Variants in PCSK5 observed in about 807,000 individuals in gnomAD.
PCSK5 encodes the protein prohormone convertase 5.
PCSK5 carries 129 observed loss-of-function variants against 233.2 expected under a neutral mutation model. The observed-to-expected ratio is 0.55, with a 90% CI of 0.48 to 0.64. The LOEUF is 0.64. PCSK5 is among the 30% of genes least tolerant of loss of function. The pLI is 0.00. For missense variants in PCSK5, 2,076 were observed against 2,430.1 expected (o/e 0.85, Z 3.06); for synonymous variants, 825 against 879.2 (o/e 0.94, Z 1.09).
At chr9:76,351,137 GAGA>G (rs1344276609) in intron 36 of PCSK5, among the ~76,000 whole-genome samples, 1 of 152,162 alleles carries the variant, frequency 6.6e-6, no homozygotes, top group Non-Finnish European at 1.5e-5. Context: ...AAAAGGAACT[GAGA>G]AGATCTAAGA....
intron 12 of PCSK5, among the ~76,000 whole-genome samples, chr9:76,164,359 C>T (rs1823004884): frequency 6.6e-6 from 1 of 152,152 alleles, no homozygotes; most frequent in Non-Finnish European, 1.5e-5. Flanking sequence ...TTTAGAAAGC[C>T]TAATTTCCTC....
intron 9 of PCSK5, among the ~76,000 whole-genome samples, chr9:76,117,438 G>A (rs897183641): frequency 6.6e-6 from 1 of 152,100 alleles, no homozygotes; most frequent in Non-Finnish European, 1.5e-5. Flanking sequence ...GAAAAGAAGT[G>A]GCAAGGCCAT....
At position 76,092,061 on chromosome 9, in the gene PCSK5, A is replaced by C. The variant is rs112482600; in HGVS notation, c.895-3829A>C. Among the ~76,000 whole-genome samples, 881 of 152,186 alleles carry C rather than the reference A, an allele frequency of 5.8e-3. 11 individuals carry two copies. The highest frequency in any genetic ancestry group is 0.02 in the African/African-American group (851 of 41,526). On this transcript the variant is annotated intron_variant, in intron 7 of 37. Coordinates refer to ENST00000674117, the MANE Select transcript of PCSK5 (RefSeq NM_001372043.1). ...GGTATCTTCCATGAGTGCTACTGGA[A>C]TAGAATGACCTGTGTTCATACTTCT...
chr9:76,004,076 G>A (rs183568713), intron 3 of PCSK5, among the ~76,000 whole-genome samples: 109 of 152,218 alleles, frequency 7.2e-4, no homozygotes, highest in Middle Eastern at 3.4e-3. Context: ...GGGATTATAG[G>A]CATGAAACAC....
rs1830439862 is a variant in PCSK5 at position 76,362,127 on chromosome 9, G to A, written c.*3205G>A. 2.0e-5 allele frequency: 3 copies of A among 152,112 alleles called. No individual in the cohort carries two copies. Among genetic ancestry groups the A allele is most frequent in the African/African-American group, 4.8e-5 (2 of 41,414 alleles). 9.4% of individuals were successfully genotyped at this position (152,112 alleles called of 1,614,324 possible). ...CCTTCTTTGTTTTTAGTCATGCAAC[G>A]TCATTCTTAGATGGCTTTTGAATAC... On this transcript the variant is annotated 3_prime_UTR_variant, in exon 38 of 38. Transcript: ENST00000674117.
chr9:76,331,553 G>C (rs1354974577), intron 33 of PCSK5, among the ~76,000 whole-genome samples: 1 of 152,076 alleles, frequency 6.6e-6, no homozygotes, highest in Non-Finnish European at 1.5e-5. Flanking sequence ...TGTAGTCCCA[G>C]CTACTCGGGA....
At position 76,096,075 on chromosome 9, in the gene PCSK5, C is replaced by T. The variant is rs767320499; in HGVS notation, c.1080C>T (p.Ser360=). The T allele has an allele frequency of 4.3e-6, 7 of 1,613,802 alleles. No homozygotes were observed. In the Admixed American group the frequency reaches 1.0e-4, roughly 23 times the overall value. ...CATCCACGCTGGCCACAACCTACAG[C>T]AGCGGGGAGTCCTACGATAAGAAAA... ...ECSSTLATTY[S]SGESYDKKII... is the part of the protein sequence containing the mutation. The change falls in exon 8 of 38, where the codon AGC becomes AGT. Residue 360 remains serine, a synonymous_variant. Transcript: ENST00000674117.
intron 13 of PCSK5, among the ~76,000 whole-genome samples, chr9:76,173,495 CCTTTTTTTTTT>C (rs1282942304): frequency 0.011 from 387 of 34,528 alleles, 1 homozygote; most frequent in Non-Finnish European, 0.017. Context: ...AGGCACGTTT[CCTTTTTTTTTT>C]TTTTTTTTTT....
chr9:76,021,550 G>C (rs191521299), intron 3 of PCSK5, among the ~76,000 whole-genome samples: 11 of 152,206 alleles, frequency 7.2e-5, no homozygotes, highest in Admixed American at 6.5e-4. Flanking sequence ...CCAGAAAGAA[G>C]TCAGGAAGAT....
At chr9:76,139,495 G>C (rs1013187979) in intron 10 of PCSK5, among the ~76,000 whole-genome samples, 1 of 152,022 alleles carries the variant, frequency 6.6e-6, no homozygotes, top group African/African-American at 2.4e-5. Context: ...CAGTGTCTGA[G>C]GTGGTATTAT....
At chr9:76,316,195 G>A (rs935960344) in intron 30 of PCSK5, among the ~76,000 whole-genome samples, 1 of 151,944 alleles carries the variant, frequency 6.6e-6, no homozygotes, top group Non-Finnish European at 1.5e-5. Flanking sequence ...GTGGATCATT[G>A]TGGCAAGCCA....
intron 20 of PCSK5, among the ~76,000 whole-genome samples, chr9:76,211,237 A>T (rs1263243830): frequency 6.6e-6 from 1 of 152,168 alleles, no homozygotes; most frequent in Non-Finnish European, 1.5e-5. Flanking sequence ...AGTTAATTGA[A>T]TGTTACTATC....
intron 30 of PCSK5, among the ~76,000 whole-genome samples, chr9:76,320,428 CAA>C (rs1220276098): frequency 7.0e-5 from 4 of 57,324 alleles, no homozygotes; most frequent in South Asian, 6.8e-4. Flanking sequence ...GACTCTGTCT[CAA>C]AAAAAAAAAA....
chr9:76,052,008 C>T (rs1017515861), intron 5 of PCSK5, among the ~76,000 whole-genome samples: 7 of 152,054 alleles, frequency 4.6e-5, no homozygotes, highest in African/African-American at 1.2e-4. Flanking sequence ...AATCTTTTTT[C>T]GTAGAAACAA....
chr9:75,931,463 T>C (rs1823794722), intron 1 of PCSK5, among the ~76,000 whole-genome samples: 1 of 152,132 alleles, frequency 6.6e-6, no homozygotes, highest in African/African-American at 2.4e-5. Flanking sequence ...TCCAATTTTA[T>C]AGAAAAGGAA....
intron 1 of PCSK5, among the ~76,000 whole-genome samples, chr9:75,921,345 A>G (rs1028723444): frequency 6.6e-6 from 1 of 152,222 alleles, no homozygotes; most frequent in East Asian, 1.9e-4. Flanking sequence ...ATTCTAATGC[A>G]TAGACAACAT....
In PCSK5 at chr9:76,157,114, C is replaced by T. The variant is rs748065478; in HGVS notation, c.1382C>T (p.Thr461Ile). Residue 461 changes from threonine (T) to isoleucine (I), a missense_variant, in exon 11 of 38, where the codon ACC becomes ATC. Thr to Ile is a moderately conservative substitution (Grantham distance 89). Coordinates refer to ENST00000674117, the MANE Select transcript of PCSK5 (RefSeq NM_001372043.1). ...GTGATGGAGGCAGAGAAGTGGACCACCGTTCCCCGGCAGCACGTGTGTGTG... is the reference window on the plus strand; with the variant it reads ...GTGATGGAGGCAGAGAAGTGGACCATCGTTCCCCGGCAGCACGTGTGTGTG... ...AMVMEAEKWTTVPRQHVCVES... is the reference protein window; with the variant it reads ...AMVMEAEKWTIVPRQHVCVES... The T allele has an allele frequency of 1.2e-6, 2 of 1,613,690 alleles. No homozygotes were observed. Among genetic ancestry groups the T allele is most frequent in the East Asian group, 2.2e-5 (1 of 44,886 alleles).
chr9:76,011,408 T>C (rs17061934), intron 3 of PCSK5, among the ~76,000 whole-genome samples: 14,456 of 152,270 alleles, frequency 0.095, 746 homozygotes, highest in Middle Eastern at 0.13. Context: ...CTAGTTTGCA[T>C]CTTCAAGTGG....
intron 3 of PCSK5, among the ~76,000 whole-genome samples, chr9:75,992,700 A>G (rs183360560): frequency 1.3e-5 from 2 of 152,282 alleles, no homozygotes; most frequent in East Asian, 3.9e-4. Context: ...CTCTTGACTC[A>G]TCATCCTAGT....
Sources: allele counts gnomAD v4.1 joint callset (sites outside exome capture counted in the v4.1 genomes callset), GRCh38; gene constraint gnomAD v4.1.1; transcripts MANE v1.5; gene names NCBI Gene and HGNC (gene_info 2026-07-23, HGNC 2026-07-21).